Variants in ANKS1B observed in about 807,000 individuals in gnomAD.
ANKS1B encodes ankyrin repeat and sterile alpha motif domain containing 1B, also known as ankyrin repeat and sterile alpha motif domain-containing protein 1B.
A neutral mutation model predicts 148.3 loss-of-function variants in ANKS1B; 36 were observed. The ratio of observed to expected loss-of-function variants is 0.24; its 90% CI spans 0.19 to 0.32. The LOEUF (loss-of-function observed/expected upper bound fraction) is 0.32, where lower values mean the gene tolerates loss of function less well. Ranked by LOEUF, ANKS1B falls within the 10% of genes least tolerant of loss-of-function variation. The pLI, the probability that ANKS1B is intolerant of heterozygous loss-of-function variation, is 1.00. For missense variants in ANKS1B, 1,157 were observed against 1,542.6 expected, an observed-to-expected ratio of 0.75 and a Z score of 4.19; for synonymous variants, 542 against 560.8, an observed-to-expected ratio of 0.97 and a Z score of 0.47.
chr12:98,892,845 T>G (rs2099755514), intron 17 of ANKS1B, among the ~76,000 whole-genome samples: 1 of 152,162 alleles, frequency 6.6e-6, no homozygotes, highest in African/African-American at 2.4e-5. Context: ...AGTATGGTTG[T>G]CTCCCGTTTC....
chr12:99,825,039 T>C (rs918302321), intron 2 of ANKS1B, among the ~76,000 whole-genome samples: 1 of 152,158 alleles, frequency 6.6e-6, no homozygotes, highest in Non-Finnish European at 1.5e-5. Context: ...AAGATACACA[T>C]GACTAGCATG....
chr12:99,073,105 C>G (rs1220589877), intron 16 of ANKS1B, among the ~76,000 whole-genome samples: 1 of 152,168 alleles, frequency 6.6e-6, no homozygotes, highest in Non-Finnish European at 1.5e-5. Flanking sequence ...AGCACATATG[C>G]TTTGGAAAAC....
At chr12:99,917,730 C>G (rs1032047274) in intron 1 of ANKS1B, among the ~76,000 whole-genome samples, 2 of 152,174 alleles carry the variant, frequency 1.3e-5, no homozygotes, top group African/African-American at 4.8e-5. Context: ...AGCTGATGAA[C>G]CACTAGCATT....
At chr12:99,718,525 G>T (rs2057706017) in intron 8 of ANKS1B, among the ~76,000 whole-genome samples, 1 of 152,200 alleles carries the variant, frequency 6.6e-6, no homozygotes, top group Admixed American at 6.5e-5. Context: ...ATTAAAGCCT[G>T]TTATCACTGG....
chr12:99,061,808 G>A (rs2042535171), intron 16 of ANKS1B, among the ~76,000 whole-genome samples: 6 of 152,042 alleles, frequency 3.9e-5, no homozygotes, highest in Admixed American at 3.9e-4. Flanking sequence ...TGTTTTGTGG[G>A]GCCGTAAGTT....
At chr12:99,238,828 C>T (rs1485303510) in intron 14 of ANKS1B, among the ~76,000 whole-genome samples, 1 of 152,158 alleles carries the variant, frequency 6.6e-6, no homozygotes, top group Admixed American at 6.5e-5. Flanking sequence ...AGGGGCTTGA[C>T]TGTTAGAAGG....
chr12:98,805,866 G>A (rs1202716126), intron 20 of ANKS1B, among the ~76,000 whole-genome samples: 2 of 152,018 alleles, frequency 1.3e-5, no homozygotes, highest in Admixed American at 6.6e-5. Context: ...GTTATTTTCC[G>A]TCTTTATTAT....
At chr12:99,604,488 T>C (rs1331137482) in intron 9 of ANKS1B, among the ~76,000 whole-genome samples, 1 of 152,044 alleles carries the variant, frequency 6.6e-6, no homozygotes, top group East Asian at 1.9e-4. Flanking sequence ...TTAAATATTA[T>C]CTTGGATATT....
intron 17 of ANKS1B, among the ~76,000 whole-genome samples, chr12:98,974,933 C>T (rs2099890478): frequency 6.9e-6 from 1 of 145,712 alleles, no homozygotes; most frequent in South Asian, 2.3e-4. Context: ...TCCCTTTCCT[C>T]CTTCTTTCCT....
chr12:99,862,563 T>C (rs916899142), intron 1 of ANKS1B, among the ~76,000 whole-genome samples: 1 of 152,258 alleles, frequency 6.6e-6, no homozygotes, highest in Non-Finnish European at 1.5e-5. Context: ...TGTATGATGC[T>C]GATGAGCGCA....
intron 8 of ANKS1B, among the ~76,000 whole-genome samples, chr12:99,731,315 C>T (rs1423089662): frequency 2.0e-5 from 3 of 152,062 alleles, no homozygotes; most frequent in Non-Finnish European, 4.4e-5. Flanking sequence ...GACGGGGTTT[C>T]ACCACGTTGG....
chr12:98,799,440 A>T (rs796358560), intron 21 of ANKS1B, among the ~76,000 whole-genome samples: 7 of 148,626 alleles, frequency 4.7e-5, no homozygotes, highest in African/African-American at 1.7e-4. Context: ...TAGGTAATTA[A>T]TGTTAGGCTT....
rs34228059 is a variant in ANKS1B, at chr12:99,785,258, CGTGT to C, written c.670-3165_670-3162del. 9.9e-3 allele frequency among the ~76,000 whole-genome samples: 1,362 copies of C among 137,430 alleles called. 18 individuals carry two copies. Among genetic ancestry groups the C allele is most frequent in the African/African-American group, 0.034 (1,263 of 37,294 alleles). 90.2% of individuals were successfully genotyped at this position (137,430 alleles called of 152,430 possible). A position where few individuals can be genotyped will look rare whatever the true frequency, so the allele number is the denominator to read the frequency against. ...AAGAATCTAACAAGTATCAGTAGGT[CGTGT>C]GTGTGTGTGTGTGTGTGTGTCTGTG... On this transcript the variant is annotated intron_variant, in intron 4 of 26. Coordinates refer to ENST00000683438, the MANE Select transcript of ANKS1B (RefSeq NM_001352186.2).
chr12:99,474,015 T>C lies in ANKS1B; in HGVS notation c.1439-30206A>G, dbSNP rs547296230. Among the ~76,000 whole-genome samples, 7 of 152,216 alleles carry C rather than the reference T, an allele frequency of 4.6e-5. No homozygotes were observed. The East Asian group carries it at 7.7e-4, about 17-fold the overall frequency. On this transcript the variant is annotated intron_variant, in intron 10 of 26. Transcript: ENST00000683438. ...TTTAATTTGTTAAATTGAGGAATTA[T>C]ATTGAAAGATTTTTGGTGGCTGAAA...
intron 12 of ANKS1B, among the ~76,000 whole-genome samples, chr12:99,248,099 T>C (rs1268774974): frequency 6.6e-6 from 1 of 152,184 alleles, no homozygotes; most frequent in Non-Finnish European, 1.5e-5. Context: ...GAAGTGATTA[T>C]TAATAATAAT....
intron 1 of ANKS1B, among the ~76,000 whole-genome samples, chr12:99,829,364 A>C (rs955524262): frequency 6.6e-6 from 1 of 152,036 alleles, no homozygotes; most frequent in Admixed American, 6.5e-5. Flanking sequence ...AAAATACAAT[A>C]ATTAGGCCGG....
At chr12:99,205,600 C>T (rs565926460) in intron 14 of ANKS1B, among the ~76,000 whole-genome samples, 2 of 152,252 alleles carry the variant, frequency 1.3e-5, no homozygotes, top group South Asian at 4.1e-4. Context: ...CTGTTCCTTT[C>T]AGGTTGGACT....
At chr12:99,924,695 T>C (rs1478052989) in intron 1 of ANKS1B, among the ~76,000 whole-genome samples, 1 of 152,170 alleles carries the variant, frequency 6.6e-6, no homozygotes, top group Non-Finnish European at 1.5e-5. Context: ...CATCTTCCAC[T>C]ATTTGAGGAC....
chr12:98,774,194 G>A (rs781668535), intron 24 of ANKS1B, among the ~76,000 whole-genome samples: 1 of 152,202 alleles, frequency 6.6e-6, no homozygotes. Flanking sequence ...TTATTTACAG[G>A]TGAAGCAACT....
Sources: gnomAD v4.1 joint callset for allele counts (sites outside exome capture counted in the v4.1 genomes callset) on GRCh38, gnomAD v4.1.1 for gene constraint, MANE v1.5 for transcripts, NCBI Gene and HGNC (gene_info 2026-07-23, HGNC 2026-07-21) for gene names.